The following PCDH15 variants were observed in gnomAD, a reference collection of about 807,000 sequenced individuals.
PCDH15 encodes protocadherin-15.
A neutral mutation model predicts 178.5 loss-of-function variants in PCDH15; 129 were observed. The ratio of observed to expected loss-of-function variants is 0.72; its 90% CI spans 0.63 to 0.84. The LOEUF (loss-of-function observed/expected upper bound fraction) is 0.84, where lower values mean the gene tolerates loss of function less well. Ranked by LOEUF, PCDH15 falls within the 40% of genes least tolerant of loss-of-function variation. PCDH15 has a pLI of 0.00. For missense variants in PCDH15, 2,230 were observed against 2,099.9 expected, an observed-to-expected ratio of 1.06 and a Z score of -1.21; for synonymous variants, 800 against 732.0, an observed-to-expected ratio of 1.09 and a Z score of -1.50.
chr10:54,046,059 G>A (rs769389258), intron 18 of PCDH15, among the ~76,000 whole-genome samples: 8 of 152,074 alleles, frequency 5.3e-5, no homozygotes, highest in Non-Finnish European at 7.4e-5. Flanking sequence ...CGGAAAAGAC[G>A]AAATTCAAAA....
intron 22 of PCDH15, among the ~76,000 whole-genome samples, chr10:53,960,973 G>C (rs972147106): frequency 5.9e-5 from 9 of 152,136 alleles, no homozygotes; most frequent in African/African-American, 2.2e-4. Flanking sequence ...TTGCCAGGTA[G>C]AGACAGGCAT....
At chr10:55,603,746 G>A (rs1365208340) in intron 2 of PCDH15, among the ~76,000 whole-genome samples, 10 of 148,384 alleles carry the variant, frequency 6.7e-5, no homozygotes, top group Admixed American at 2.0e-4. Flanking sequence ...TGAAGGAAGC[G>A]CTAAACATGG....
At chr10:54,894,010 A>G (rs1045931362) in intron 3 of PCDH15, among the ~76,000 whole-genome samples, 15 of 152,112 alleles carry the variant, frequency 9.9e-5, no homozygotes, top group Non-Finnish European at 1.5e-4. Context: ...TGTTTATAAT[A>G]ATATACATAT....
At chr10:53,904,946 A>G (rs989016692) in intron 25 of PCDH15, among the ~76,000 whole-genome samples, 2 of 152,160 alleles carry the variant, frequency 1.3e-5, no homozygotes, top group East Asian at 1.9e-4. Context: ...TCGGAAAAAT[A>G]CTGATGACGT....
chr10:54,976,890 C>A (rs1449861144), intron 2 of PCDH15, among the ~76,000 whole-genome samples: 4 of 152,076 alleles, frequency 2.6e-5, no homozygotes, highest in African/African-American at 9.7e-5. Flanking sequence ...AAGCTAAATT[C>A]CTCCCTTAGT....
chr10:54,446,226 T>C (rs1351361949), intron 3 of PCDH15, among the ~76,000 whole-genome samples: 3 of 151,702 alleles, frequency 2.0e-5, no homozygotes, highest in African/African-American at 7.2e-5. Context: ...ATAGTTTTCT[T>C]GTAGAGAAAT....
chr10:54,520,814 C>A (rs2082771755), intron 3 of PCDH15, among the ~76,000 whole-genome samples: 1 of 150,276 alleles, frequency 6.7e-6, no homozygotes. Flanking sequence ...GGAACCAACC[C>A]AAATGTCCAA....
chr10:54,537,357 G>C (rs1010614886), intron 2 of PCDH15, among the ~76,000 whole-genome samples: 1 of 152,090 alleles, frequency 6.6e-6, no homozygotes, highest in Non-Finnish European at 1.5e-5. Flanking sequence ...TAATAGAAGA[G>C]CTGGTATCAA....
At chr10:55,361,224 C>A (rs565063376) in intron 2 of PCDH15, among the ~76,000 whole-genome samples, 7 of 151,840 alleles carry the variant, frequency 4.6e-5, no homozygotes, top group Non-Finnish European at 8.8e-5. Context: ...TAGATACAGC[C>A]CAAGTATGTG....
chr10:55,265,170 TA>T lies in PCDH15; in HGVS notation c.-156+54428del, dbSNP rs768826483. The stretch of plus-strand genomic sequence containing the variant: ...TCTTGCCCCTCCAACAGATGCCCAG[TA>T]AATTTGGGACCAGTAAGTTCCAGGT... On this transcript the variant is annotated intron_variant, in intron 1 of 5. Transcript: ENST00000458638. Among the ~76,000 whole-genome samples the T allele has an allele frequency of 3.4e-4, 52 of 152,036 alleles. No homozygotes were observed. In the East Asian group the frequency reaches 5.8e-3, roughly 17 times the overall value.
At chr10:54,494,425 T>C (rs888203682) in intron 3 of PCDH15, among the ~76,000 whole-genome samples, 2 of 152,120 alleles carry the variant, frequency 1.3e-5, no homozygotes, top group African/African-American at 4.8e-5. Context: ...TAAACTGTTT[T>C]TTCTCCACTG....
chr10:54,467,989 T>C (rs2077644076), intron 3 of PCDH15, among the ~76,000 whole-genome samples: 1 of 152,058 alleles, frequency 6.6e-6, no homozygotes, highest in Non-Finnish European at 1.5e-5. Flanking sequence ...TGATCTCTTG[T>C]ATTTCAGTGC....
intron 2 of PCDH15, among the ~76,000 whole-genome samples, chr10:55,140,248 T>C (rs1017703248): frequency 1.3e-5 from 2 of 151,878 alleles, no homozygotes; most frequent in African/African-American, 2.4e-5. Flanking sequence ...CTAGCTAGAA[T>C]TTTTGGTACT....
intron 3 of PCDH15, among the ~76,000 whole-genome samples, chr10:54,500,285 G>C (rs976460273): frequency 3.3e-5 from 5 of 151,926 alleles, no homozygotes; most frequent in Non-Finnish European, 7.4e-5. Flanking sequence ...ATAAAAACAA[G>C]GGCCTACTTG....
intron 1 of PCDH15, among the ~76,000 whole-genome samples, chr10:54,723,536 A>G (rs1267049774): frequency 6.6e-6 from 1 of 151,836 alleles, no homozygotes; most frequent in African/African-American, 2.4e-5. Context: ...CAAAAACAAA[A>G]TAGACAAATG....
intron 9 of PCDH15, among the ~76,000 whole-genome samples, chr10:54,227,561 G>A (rs777016711): frequency 1.3e-5 from 2 of 152,142 alleles, no homozygotes; most frequent in East Asian, 3.9e-4. Flanking sequence ...TCCTGGAGAC[G>A]TTTTTCCCAT....
chr10:55,268,207 T>A (rs1228795577), intron 1 of PCDH15, among the ~76,000 whole-genome samples: 1 of 152,174 alleles, frequency 6.6e-6, no homozygotes, highest in African/African-American at 2.4e-5. Flanking sequence ...ACTATATCAT[T>A]TTACTTACAA....
At chr10:54,928,167 A>T (rs1192951484) in intron 2 of PCDH15, among the ~76,000 whole-genome samples, 1 of 152,138 alleles carries the variant, frequency 6.6e-6, no homozygotes, top group Non-Finnish European at 1.5e-5. Context: ...CTTGTTCAAA[A>T]ATATCTTATT....
chr10:54,517,768 G>A (rs1201392829), intron 3 of PCDH15, among the ~76,000 whole-genome samples: 2 of 151,950 alleles, frequency 1.3e-5, no homozygotes, highest in African/African-American at 4.8e-5. Context: ...ATTTTTTTCA[G>A]CACCACACCA....
Sources: allele counts gnomAD v4.1 joint callset (sites outside exome capture counted in the v4.1 genomes callset), GRCh38; gene constraint gnomAD v4.1.1; transcripts MANE v1.5; gene names NCBI Gene and HGNC (gene_info 2026-07-23, HGNC 2026-07-21).